Variants in DOC2B observed in about 807,000 individuals in gnomAD.
DOC2B encodes double C2-like domain-containing protein beta.
A neutral mutation model predicts 28.9 loss-of-function variants in DOC2B; 21 were observed. That is an observed-to-expected ratio of 0.73 (90% CI 0.52 to 1.05). DOC2B has a LOEUF of 1.05. DOC2B is among the 50% of genes least tolerant of loss of function. The pLI, the probability that DOC2B is intolerant of heterozygous loss-of-function variation, is 0.00. For synonymous variants in DOC2B, 194 were observed against 178.1 expected, an observed-to-expected ratio of 1.09 and a Z score of -0.71; for missense variants, 384 against 421.1, an observed-to-expected ratio of 0.91 and a Z score of 0.77.
At chr17:177,030 T>C (rs1339181481) in intron 1 of DOC2B, among the ~76,000 whole-genome samples, 2 of 34,474 alleles carry the variant, frequency 5.8e-5, no homozygotes, top group Admixed American at 3.4e-4. Flanking sequence ...CTGCCCTGAT[T>C]TTTTTTTTTT....
At chr17:165,216 T>C (rs924749090) in intron 2 of DOC2B, among the ~76,000 whole-genome samples, 6 of 152,180 alleles carry the variant, frequency 3.9e-5, no homozygotes, top group Middle Eastern at 6.8e-3. Context: ...TTATCATCTG[T>C]TAAAGGGGTT....
chr17:181,150 C>T lies in DOC2B; in HGVS notation c.330G>A (p.Pro110=), dbSNP rs1294146275. ...PSPARPPAKP[P]EDEPDADGYE... ...AGCCGTCGGCGTCCGGCTCGTCCTC[C>T]GGCGGCTTGGCTGGCGGCCGCGCGG... Residue 110 remains proline, a synonymous_variant, in exon 1 of 9, where the codon CCG becomes CCA. Transcript: ENST00000613549. The surrounding 1 kb of genome is among the most constrained non-coding windows in gnomAD (Gnocchi z 7.0). The T allele has an allele frequency of 1.6e-6, 2 of 1,253,864 alleles. No individual in the cohort carries two copies. The highest frequency in any genetic ancestry group is 1.6e-5 in the African/African-American group (1 of 64,138). The allele number at this position is 1,253,864 out of a possible 1,614,324, so 77.7% of individuals were successfully genotyped here.
At chr17:148,587 C>A (rs923553689) in intron 7 of DOC2B, among the ~76,000 whole-genome samples, 2 of 152,068 alleles carry the variant, frequency 1.3e-5, no homozygotes, top group Non-Finnish European at 2.9e-5. Flanking sequence ...GCTTTGCTGA[C>A]CCCTCCCTTC....
rs958237486 is a variant in DOC2B, at chr17:147,238, C to A, written c.*203G>T. ...GGGCCCCAGAGAGCTGAGAGCCCCCCACCCCAGCTCCTTGCCCTCCCCGTC... is the reference window on the plus strand; with the variant it reads ...GGGCCCCAGAGAGCTGAGAGCCCCCAACCCCAGCTCCTTGCCCTCCCCGTC... On this transcript the variant is annotated 3_prime_UTR_variant, in exon 9 of 9. Coordinates refer to ENST00000613549, the MANE Select transcript of DOC2B (RefSeq NM_003585.5). 2.5e-5 allele frequency: 10 copies of A among 393,686 alleles called. No individual in the cohort carries two copies. The Admixed American group carries it at 4.0e-4, about 16-fold the overall frequency. 24.4% of individuals were successfully genotyped at this position (393,686 alleles called of 1,614,324 possible). A position where few individuals can be genotyped will look rare whatever the true frequency, so the allele number is the denominator to read the frequency against.
At chr17:169,946 G>A (rs577173672) in intron 2 of DOC2B, among the ~76,000 whole-genome samples, 5 of 152,298 alleles carry the variant, frequency 3.3e-5, no homozygotes, top group South Asian at 2.1e-4. Flanking sequence ...GTGCACGCAC[G>A]GTACCACACA....
intron 1 of DOC2B, among the ~76,000 whole-genome samples, chr17:177,727 G>A (rs571782709): frequency 1.2e-4 from 19 of 152,360 alleles, no homozygotes; most frequent in African/African-American, 3.6e-4. Flanking sequence ...AGTTGGTGCC[G>A]TAACATCGAG....
At chr17:150,347 A>T (rs1261314645) in intron 6 of DOC2B, among the ~76,000 whole-genome samples, 1 of 152,046 alleles carries the variant, frequency 6.6e-6, no homozygotes, top group Non-Finnish European at 1.5e-5. Context: ...ACATCTGTCC[A>T]GCGAATACCT....
Position 143,437 on chromosome 17 carries a change from C to T in DOC2B, c.*4004G>A, listed in dbSNP as rs1056476569. On this transcript the variant is annotated 3_prime_UTR_variant, in exon 9 of 9. Coordinates refer to ENST00000613549, the MANE Select transcript of DOC2B (RefSeq NM_003585.5). Reference sequence around the variant, plus strand: ...CCCCACTTTCCAGGCTCAAGCGATCCTCCTCCTCCTACCTCAGCCTCCTGA... The same window carrying T: ...CCCCACTTTCCAGGCTCAAGCGATCTTCCTCCTCCTACCTCAGCCTCCTGA... 2 of 151,028 alleles carry T rather than the reference C, an allele frequency of 1.3e-5. No homozygotes were observed. The highest frequency in any genetic ancestry group is 4.9e-5 in the African/African-American group (2 of 40,900). 9.4% of individuals were successfully genotyped at this position (151,028 alleles called of 1,614,324 possible).
rs1555523350 is a variant in DOC2B at position 162,205 on chromosome 17, AATGATCTT to A, written c.529-23_529-16del. 1 of 1,533,662 alleles carries A rather than the reference AATGATCTT, an allele frequency of 6.5e-7. No homozygotes were observed. Among genetic ancestry groups the A allele is most frequent in the Non-Finnish European group, 8.8e-7 (1 of 1,130,734 alleles). ...AGCTTATTTGCCTGGAGAAGAGAAA[AATGATCTT>A]ATTAGCATCAAAGTGTGTATCAAAC... is the stretch of plus-strand genomic sequence containing the variant. On this transcript the variant is annotated splice_polypyrimidine_tract_variant and intron_variant, in intron 3 of 8. Transcript: ENST00000613549.
intron 2 of DOC2B, among the ~76,000 whole-genome samples, chr17:166,773 C>G (rs535913189): frequency 4.8e-5 from 6 of 126,186 alleles, no homozygotes; most frequent in South Asian, 3.1e-4. Context: ...ATACGTCTCA[C>G]GAGATCTCAT....
chr17:176,935 C>G (rs139950714), intron 1 of DOC2B, among the ~76,000 whole-genome samples: 1 of 152,150 alleles, frequency 6.6e-6, no homozygotes, highest in African/African-American at 2.4e-5. Context: ...CCGAGCACCC[C>G]CTGCTTGGCT....
chr17:149,207 A>G lies in DOC2B; in HGVS notation c.924-15T>C. 1 of 399,776 alleles carries G rather than the reference A, an allele frequency of 2.5e-6. No individual in the cohort carries two copies. The allele number at this position is 399,776 out of a possible 1,614,324, so 24.8% of individuals were successfully genotyped here. Reference sequence around the variant, plus strand: ...GCCTCAGGTATCTGGAATTACATCCAACGGACAGGCAGAGGATGGGGACAT... The same window carrying G: ...GCCTCAGGTATCTGGAATTACATCCGACGGACAGGCAGAGGATGGGGACAT... On this transcript the variant is annotated splice_polypyrimidine_tract_variant and intron_variant, in intron 6 of 8. Coordinates refer to ENST00000613549, the MANE Select transcript of DOC2B (RefSeq NM_003585.5).
rs140411848 is a variant in DOC2B at position 159,291 on chromosome 17, G to C, written c.765+2124C>G. ...GGATCACTGGAGGTCAGGAGTTTGA[G>C]ACTTGCCTGGCCAACATGGCGAACC... On this transcript the variant is annotated intron_variant, in intron 5 of 8. Coordinates refer to ENST00000613549, the MANE Select transcript of DOC2B (RefSeq NM_003585.5). Among the ~76,000 whole-genome samples, 284 of 152,246 alleles carry C rather than the reference G, an allele frequency of 1.9e-3. 1 individual carries two copies. Among genetic ancestry groups the C allele is most frequent in the African/African-American group, 6.6e-3 (273 of 41,538 alleles).
At chr17:170,524 G>A (rs953258477) in intron 2 of DOC2B, among the ~76,000 whole-genome samples, 4 of 152,072 alleles carry the variant, frequency 2.6e-5, no homozygotes, top group Non-Finnish European at 2.9e-5. Context: ...GCTGGGTGGG[G>A]CCTGGGCCCA....
rs549798178 is a variant in DOC2B, at chr17:166,622, C to T, written c.454-2418G>A. On this transcript the variant is annotated intron_variant, in intron 2 of 8. Coordinates refer to ENST00000613549, the MANE Select transcript of DOC2B (RefSeq NM_003585.5). ...CAGACTGTTCTTGACGTAGTGAATACGTCTCACGAGATCTGATGATCTGAC... is the reference window on the plus strand; with the variant it reads ...CAGACTGTTCTTGACGTAGTGAATATGTCTCACGAGATCTGATGATCTGAC... 5.3e-5 allele frequency among the ~76,000 whole-genome samples: 8 copies of T among 152,258 alleles called. No individual in the cohort carries two copies. In the South Asian group the frequency reaches 6.2e-4, roughly 12 times the overall value.
chr17:149,541 G>C (rs992552683), intron 6 of DOC2B, among the ~76,000 whole-genome samples: 2 of 152,006 alleles, frequency 1.3e-5, no homozygotes, highest in African/African-American at 4.8e-5. Flanking sequence ...AGCAGAGTTG[G>C]TCTCTTGTTC....
intron 5 of DOC2B, among the ~76,000 whole-genome samples, chr17:159,309 G>A (rs1019464165): frequency 2.6e-5 from 4 of 151,886 alleles, no homozygotes; most frequent in African/African-American, 9.7e-5. Context: ...TGGCCAACAT[G>A]GCGAACCCCC....
At chr17:158,059 G>A (rs974542192) in intron 5 of DOC2B, among the ~76,000 whole-genome samples, 1 of 152,124 alleles carries the variant, frequency 6.6e-6, no homozygotes, top group Non-Finnish European at 1.5e-5. Context: ...CCTCACCCTG[G>A]AGAAGCTGGG....
intron 2 of DOC2B, 86 bp downstream of exon 2, chr17:172,451 G>A: frequency 9.3e-7 from 1 of 1,080,680 alleles, no homozygotes; most frequent in Non-Finnish European, 1.3e-6. Context: ...CAGGAACCTG[G>A]GGAGTGGTGT....
Sources: gnomAD v4.1 joint callset for allele counts (sites outside exome capture counted in the v4.1 genomes callset) on GRCh38, gnomAD v4.1.1 for gene constraint, Gnocchi (gnomAD v3.1) non-coding constraint, MANE v1.5 for transcripts, NCBI Gene and HGNC (gene_info 2026-07-23, HGNC 2026-07-21) for gene names.